The following ALG12 variants were observed in gnomAD, a reference collection of about 807,000 sequenced individuals.
The protein encoded by ALG12 is ALG12 alpha-1,6-mannosyltransferase.
A neutral mutation model predicts 46.0 loss-of-function variants in ALG12; 36 were observed. That is an observed-to-expected ratio of 0.78 (90% confidence interval 0.60 to 1.03). The LOEUF (loss-of-function observed/expected upper bound fraction) is 1.03, where lower values mean the gene tolerates loss of function less well. ALG12 is among the 50% of genes least tolerant of loss of function. ALG12 has a pLI of 0.00. For missense variants in ALG12, 599 were observed against 633.5 expected (o/e 0.95, Z 0.58); for synonymous variants, 326 against 291.6 (o/e 1.12, Z -1.20).
At chr22:49,861,257 T>C in the ALG12 span, among the ~76,000 whole-genome samples, 1 of 151,574 alleles carries the variant, frequency 6.6e-6, no homozygotes. Flanking sequence ...TTCTTGTGCC[T>C]CAGCCTCCTG....
At chr22:49,874,449 G>A in the ALG12 span, among the ~76,000 whole-genome samples, 3 of 150,446 alleles carry the variant, frequency 2.0e-5, no homozygotes, top group Admixed American at 6.6e-5. Flanking sequence ...GCAGTGGTGC[G>A]ATCTCGGCTC....
chr22:49,862,334 C>G, the ALG12 span, among the ~76,000 whole-genome samples: 1 of 152,224 alleles, frequency 6.6e-6, no homozygotes, highest in Admixed American at 6.5e-5. Flanking sequence ...GAATTGATCT[C>G]CTGTGCTCAA....
chr22:49,862,056 C>G, the ALG12 span, among the ~76,000 whole-genome samples: 74 of 152,332 alleles, frequency 4.9e-4, no homozygotes, highest in Admixed American at 1.0e-3. Context: ...GAAGGGGTAT[C>G]TTGAACGGGT....
the ALG12 span, among the ~76,000 whole-genome samples, chr22:49,866,279 T>C: frequency 6.6e-6 from 1 of 152,220 alleles, no homozygotes; most frequent in South Asian, 2.1e-4. Context: ...TCTTGCCCTG[T>C]CCCCTCCTGT....
the ALG12 span, chr22:49,889,311 G>T: frequency 6.0e-6 from 1 of 167,040 alleles, no homozygotes; most frequent in East Asian, 1.9e-4. Context: ...ATGGTGTCTT[G>T]GCTACTTTCA....
the ALG12 span, among the ~76,000 whole-genome samples, chr22:49,861,730 GC>G: frequency 6.6e-6 from 1 of 152,136 alleles, no homozygotes; most frequent in Admixed American, 6.5e-5. Context: ...AGCTGCCGTG[GC>G]TGGCCCCTGC....
At chr22:49,865,707 G>A in the ALG12 span, among the ~76,000 whole-genome samples, 1 of 151,994 alleles carries the variant, frequency 6.6e-6, no homozygotes, top group African/African-American at 2.4e-5. Context: ...TCATGTTTCT[G>A]TTGTGTTTTG....
intron 4 of ALG12, among the ~76,000 whole-genome samples, 165 bp from the exon 5 acceptor site, chr22:49,910,253 G>A (rs2060568612): frequency 6.6e-6 from 1 of 152,226 alleles, no homozygotes; most frequent in Admixed American, 6.5e-5. Flanking sequence ...CTGTTGGCCA[G>A]GAAGTGTGTC....
At position 49,913,672 on chromosome 22, in the gene ALG12, T is replaced by C. The variant is rs1341457466; in HGVS notation, c.94A>G (p.Lys32Glu). 11 of 1,614,092 alleles carry C rather than the reference T, an allele frequency of 6.8e-6. No homozygotes were observed. Among genetic ancestry groups the C allele is most frequent in the Non-Finnish European group, 9.3e-6 (11 of 1,180,026 alleles). The change falls in exon 2 of 10, where the codon AAA becomes GAA. Residue 32 changes from lysine to glutamate, a missense_variant. Physicochemically the swap from Lys to Glu is moderately conservative, Grantham distance 56. Transcript: ENST00000330817. ...TVHLVICPYT[K>E]VEESFNLQAT... ...TGCAGGTTGAAGCTCTCCTCCACTTTGGTGTAGGGACAGATGACCAGGTGG... is the reference window on the plus strand; with the variant it reads ...TGCAGGTTGAAGCTCTCCTCCACTTCGGTGTAGGGACAGATGACCAGGTGG...
At chr22:49,882,726 T>C in the ALG12 span, among the ~76,000 whole-genome samples, 1 of 152,170 alleles carries the variant, frequency 6.6e-6, no homozygotes, top group African/African-American at 2.4e-5. Flanking sequence ...CTGTCTCCTC[T>C]TGGCTGCATT....
At chr22:49,860,531 T>C in the ALG12 span, among the ~76,000 whole-genome samples, 55 of 152,194 alleles carry the variant, frequency 3.6e-4, no homozygotes, top group Admixed American at 7.9e-4. Context: ...TCTTCCACTT[T>C]GGATGAATAA....
chr22:49,891,095 C>G, the ALG12 span, among the ~76,000 whole-genome samples: 1 of 152,276 alleles, frequency 6.6e-6, no homozygotes, highest in East Asian at 1.9e-4. Context: ...TTGAGCATCC[C>G]AAGAAACTGT....
chr22:49,915,185 A>G (rs2060602372), intron 1 of ALG12, among the ~76,000 whole-genome samples: 2 of 152,182 alleles, frequency 1.3e-5, no homozygotes, highest in African/African-American at 4.8e-5. Context: ...TACGACTGAA[A>G]TGGTATGCAG....
At chr22:49,886,855 T>C in the ALG12 span, 1 of 1,614,068 alleles carries the variant, frequency 6.2e-7, no homozygotes, top group Non-Finnish European at 8.5e-7. The surrounding 1 kb of genome is among the most constrained non-coding windows in gnomAD (Gnocchi z 7.7). Context: ...GGAGAACCTG[T>C]GGTCACTTGT....
the ALG12 span, chr22:49,884,474 C>T: frequency 1.2e-5 from 19 of 1,614,082 alleles, no homozygotes; most frequent in East Asian, 1.6e-4. Flanking sequence ...GAGAACTTAG[C>T]GGAGAAGAGC....
At chr22:49,886,377 G>C in the ALG12 span, 1 of 1,610,876 alleles carries the variant, frequency 6.2e-7, no homozygotes, top group Non-Finnish European at 8.5e-7. This position sits in a 1 kb window ranked among gnomAD's most constrained non-coding sequence, Gnocchi z 7.7. Flanking sequence ...TCATTGAGCA[G>C]AAAAGGGCCA....
chr22:49,897,417 C>T (rs1294376422), downstream of ALG12, among the ~76,000 whole-genome samples: 3 of 152,194 alleles, frequency 2.0e-5, no homozygotes, highest in Non-Finnish European at 2.9e-5. Flanking sequence ...TCTTCCAAAG[C>T]AGCTACACTG....
chr22:49,917,879 C>T (rs923744346), intron 1 of ALG12, among the ~76,000 whole-genome samples: 4 of 105,882 alleles, frequency 3.8e-5, no homozygotes, highest in African/African-American at 1.8e-4. Flanking sequence ...CCCCAGCCCC[C>T]AGAGACCCTA....
downstream of ALG12, among the ~76,000 whole-genome samples, chr22:49,899,518 C>T (rs929274396): frequency 4.6e-5 from 7 of 151,748 alleles, no homozygotes; most frequent in African/African-American, 1.7e-4. Flanking sequence ...TGAACCACCA[C>T]TCACCCCTCA....
Sources: gnomAD v4.1 joint callset for allele counts (sites outside exome capture counted in the v4.1 genomes callset) on GRCh38, gnomAD v4.1.1 for gene constraint, Gnocchi (gnomAD v3.1) non-coding constraint, MANE v1.5 for transcripts, NCBI Gene and HGNC (gene_info 2026-07-23, HGNC 2026-07-21) for gene names.